Variants in PIP4K2A observed in about 807,000 individuals in gnomAD.
PIP4K2A encodes the protein phosphatidylinositol-5-phosphate 4-kinase type 2 alpha.
A neutral mutation model predicts 42.9 loss-of-function variants in PIP4K2A; 14 were observed. The ratio of observed to expected loss-of-function variants is 0.33; its 90% CI spans 0.22 to 0.51. The LOEUF (loss-of-function observed/expected upper bound fraction) is 0.51, where lower values mean the gene tolerates loss of function less well. Ranked by LOEUF, PIP4K2A falls within the 20% of genes least tolerant of loss-of-function variation. The pLI is 0.97. For synonymous variants in PIP4K2A, 192 were observed against 192.2 expected (o/e 1.00, Z 0.01); for missense variants, 434 against 519.8 (o/e 0.83, Z 1.61).
chr10:22,688,981 T>C (rs932423221), intron 1 of PIP4K2A, among the ~76,000 whole-genome samples: 1 of 152,222 alleles, frequency 6.6e-6, no homozygotes, highest in African/African-American at 2.4e-5. Context: ...AAGAATTAGA[T>C]TCATGCAAGG....
chr10:22,631,306 G>T (rs1387694825), intron 1 of PIP4K2A, among the ~76,000 whole-genome samples: 1 of 152,140 alleles, frequency 6.6e-6, no homozygotes, highest in South Asian at 2.1e-4. Context: ...GCCCTTAGGA[G>T]GTATTTAAGG....
chr10:22,664,044 TATACATATGTATATATAC>T (rs1839261298), intron 1 of PIP4K2A, among the ~76,000 whole-genome samples: 5 of 90,880 alleles, frequency 5.5e-5, no homozygotes, highest in Admixed American at 2.2e-4. Context: ...TATATATATA[TATACATATGTATATATAC>T]ATATATATAT....
At chr10:22,539,892 A>AGAGAGAGAGAGAGAGAGAGG in intron 9 of PIP4K2A, 79 bp downstream of exon 9, 1 of 629,484 alleles carries the variant, frequency 1.6e-6, no homozygotes, top group Non-Finnish European at 2.8e-6. Context: ...GCCAGGAGAG[A>AGAGAGAGAGAGAGAGAGAGG]GAGAGAGAGA....
At chr10:22,628,546 T>C (rs972175901) in intron 1 of PIP4K2A, among the ~76,000 whole-genome samples, 3 of 152,094 alleles carry the variant, frequency 2.0e-5, no homozygotes, top group Admixed American at 2.0e-4. Flanking sequence ...CTTCAGGAAA[T>C]CTTAAGAACA....
intron 5 of PIP4K2A, chr10:22,568,905 C>T: frequency 2.5e-6 from 2 of 797,984 alleles, no homozygotes; most frequent in South Asian, 3.1e-5. Flanking sequence ...GCACTGGACA[C>T]CCCTAACTAT....
intron 1 of PIP4K2A, among the ~76,000 whole-genome samples, chr10:22,664,204 CATATATATATATACAT>C (rs1186031355): frequency 2.1e-5 from 1 of 47,724 alleles, no homozygotes; most frequent in Non-Finnish European, 3.5e-5. Flanking sequence ...TATATATATA[CATATATATATATACAT>C]ATATATATAC....
intron 7 of PIP4K2A, among the ~76,000 whole-genome samples, chr10:22,549,109 C>T (rs1398419398): frequency 6.6e-6 from 1 of 152,144 alleles, no homozygotes; most frequent in East Asian, 1.9e-4. Context: ...TATATAGGTT[C>T]TAATCCAAGT....
intron 4 of PIP4K2A, among the ~76,000 whole-genome samples, chr10:22,579,874 A>G (rs908123956): frequency 2.0e-5 from 3 of 149,820 alleles, no homozygotes; most frequent in African/African-American, 5.1e-5. Flanking sequence ...GTGCCACTGC[A>G]CTCCAGCCTA....
Position 22,673,686 on chromosome 10 carries a change from T to C in PIP4K2A, c.144+40497A>G, listed in dbSNP as rs114273440. 1.7e-3 allele frequency among the ~76,000 whole-genome samples: 259 copies of C among 152,294 alleles called. 2 individuals are homozygous for C. The highest frequency in any genetic ancestry group is 6.0e-3 in the African/African-American group (251 of 41,570). On this transcript the variant is annotated intron_variant, in intron 1 of 9. Coordinates refer to ENST00000376573, the MANE Select transcript of PIP4K2A (RefSeq NM_005028.5). ...AAAAATCCCACTATTCATGTAATTGTGGACTATTACATAATAGGAAGATAG... is the reference window on the plus strand; with the variant it reads ...AAAAATCCCACTATTCATGTAATTGCGGACTATTACATAATAGGAAGATAG...
chr10:22,666,873 G>A (rs1411622775), intron 1 of PIP4K2A, among the ~76,000 whole-genome samples: 1 of 152,120 alleles, frequency 6.6e-6, no homozygotes, highest in East Asian at 1.9e-4. Flanking sequence ...TATAGCATCA[G>A]AACAACCAAC....
intron 1 of PIP4K2A, among the ~76,000 whole-genome samples, chr10:22,614,302 G>C (rs1034875157): frequency 2.0e-5 from 3 of 152,224 alleles, no homozygotes; most frequent in Non-Finnish European, 4.4e-5. Flanking sequence ...AATTAAAAGA[G>C]AATTTCGGAG....
At chr10:22,570,410 A>G (rs1836957012) in intron 5 of PIP4K2A, among the ~76,000 whole-genome samples, 1 of 152,262 alleles carries the variant, frequency 6.6e-6, no homozygotes, top group Admixed American at 6.5e-5. Flanking sequence ...TGCTCTGAGC[A>G]GTACCGCCAA....
chr10:22,622,959 G>A (rs1228844344), intron 1 of PIP4K2A, among the ~76,000 whole-genome samples: 1 of 152,184 alleles, frequency 6.6e-6, no homozygotes, highest in Non-Finnish European at 1.5e-5. Flanking sequence ...TGGTGTGAGA[G>A]AGCCAGCATC....
At chr10:22,575,202 T>C (rs1262448584) in intron 4 of PIP4K2A, among the ~76,000 whole-genome samples, 1 of 152,236 alleles carries the variant, frequency 6.6e-6, no homozygotes, top group East Asian at 1.9e-4. Context: ...ATAATGATTA[T>C]TTTCATTCAA....
chr10:22,705,790 C>T (rs1160033484), intron 1 of PIP4K2A, among the ~76,000 whole-genome samples: 1 of 151,852 alleles, frequency 6.6e-6, no homozygotes, highest in Non-Finnish European at 1.5e-5. Flanking sequence ...TGGTTTTGCC[C>T]GCTGTCGGAC....
At chr10:22,613,169 G>A (rs1838094687) in intron 1 of PIP4K2A, among the ~76,000 whole-genome samples, 1 of 152,130 alleles carries the variant, frequency 6.6e-6, no homozygotes, top group Non-Finnish European at 1.5e-5. Flanking sequence ...ATGTCAGCCA[G>A]ATTGAACGGC....
rs577920092 is a variant in PIP4K2A at position 22,561,715 on chromosome 10, A to C, written c.678+6136T>G. ...GTAGCTGGGGCCACAAGTGTGCACC[A>C]CCATGCCCAGCTAATTTTTTGAATT... On this transcript the variant is annotated intron_variant, in intron 6 of 9. Transcript: ENST00000376573. Among the ~76,000 whole-genome samples the C allele has an allele frequency of 2.2e-4, 34 of 151,926 alleles. No individual in the cohort carries two copies. The South Asian group carries it at 6.5e-3, about 29-fold the overall frequency.
chr10:22,541,857 G>A lies in PIP4K2A; in HGVS notation c.983C>T (p.Ala328Val), dbSNP rs1337663504. The change falls in exon 8 of 10, where the codon GCT becomes GTT. Residue 328 changes from alanine (A) to valine (V), a missense_variant. By Grantham distance (64) the Ala-to-Val change is moderately conservative. Transcript: ENST00000376573. ...GATGTTCGGATCGAACTCCCCGGGAGCCAGGGGTGGTGAGCTGTTCAGTGT... is the reference window on the plus strand; with the variant it reads ...GATGTTCGGATCGAACTCCCCGGGAACCAGGGGTGGTGAGCTGTTCAGTGT... ...GNTLNSSPPL[A>V]PGEFDPNIDV... 1.9e-6 allele frequency: 3 copies of A among 1,602,276 alleles called. No individual in the cohort carries two copies. Among genetic ancestry groups the A allele is most frequent in the East Asian group, 4.5e-5 (2 of 44,804 alleles).
intron 1 of PIP4K2A, among the ~76,000 whole-genome samples, chr10:22,678,710 C>A (rs1839606790): frequency 1.3e-5 from 2 of 152,164 alleles, no homozygotes; most frequent in South Asian, 4.1e-4. Context: ...GGAAGCTTCC[C>A]ATTCCGCCCT....
Sources: gnomAD v4.1 joint callset for allele counts (sites outside exome capture counted in the v4.1 genomes callset) on GRCh38, gnomAD v4.1.1 for gene constraint, MANE v1.5 for transcripts, NCBI Gene and HGNC (gene_info 2026-07-23, HGNC 2026-07-21) for gene names.